The following DNAH11 variants were observed in gnomAD, a reference collection of about 807,000 sequenced individuals.
DNAH11 encodes the protein dynein axonemal heavy chain 11, also known as axonemal beta dynein heavy chain 11.
Under a neutral mutation model 526.0 loss-of-function variants are expected in DNAH11, and 442 were observed. The observed-to-expected ratio is 0.84, with a 90% CI of 0.78 to 0.91. The LOEUF is 0.91. Ranked by LOEUF, DNAH11 falls within the 40% of genes least tolerant of loss-of-function variation. DNAH11 has a pLI of 0.00. For synonymous variants in DNAH11, 2,461 were observed against 1,935.9 expected (o/e 1.27, Z -7.12); for missense variants, 6,989 against 5,448.7 (o/e 1.28, Z -8.90).
intron 63 of DNAH11, among the ~76,000 whole-genome samples, chr7:21,809,398 C>T (rs1019533847): frequency 6.6e-6 from 1 of 152,112 alleles, no homozygotes; most frequent in Non-Finnish European, 1.5e-5. Context: ...GATACGATCC[C>T]ACTTTTGCAT....
At chr7:21,704,973 G>A (rs1175858273) in intron 38 of DNAH11, among the ~76,000 whole-genome samples, 1 of 152,160 alleles carries the variant, frequency 6.6e-6, no homozygotes, top group Non-Finnish European at 1.5e-5. Context: ...ATTAGTGCCT[G>A]CTTTTAATGA....
intron 9 of DNAH11, among the ~76,000 whole-genome samples, chr7:21,582,867 A>T (rs1159328316): frequency 6.6e-6 from 1 of 152,142 alleles, no homozygotes; most frequent in Non-Finnish European, 1.5e-5. Flanking sequence ...TTTAAAAGAT[A>T]TTGTTTGATT....
intron 2 of DNAH11, among the ~76,000 whole-genome samples, chr7:21,550,405 C>G (rs752931126): frequency 2.0e-5 from 3 of 152,136 alleles, no homozygotes; most frequent in South Asian, 4.2e-4. Context: ...TATATAATGT[C>G]TTAAGAATTG....
intron 55 of DNAH11, among the ~76,000 whole-genome samples, chr7:21,766,134 T>C (rs1392142617): frequency 6.6e-6 from 1 of 152,226 alleles, no homozygotes; most frequent in Non-Finnish European, 1.5e-5. Flanking sequence ...TTTTATGGGT[T>C]ATATTTGTCA....
At chr7:21,765,351 C>A in intron 54 of DNAH11, 77 bp from the exon 55 acceptor site, 1 of 1,596,820 alleles carries the variant, frequency 6.3e-7, no homozygotes, top group Non-Finnish European at 8.6e-7. Context: ...TCCTTTCTCT[C>A]ATTGTCTAAG....
In DNAH11 at chr7:21,808,467, G is replaced by C. The variant is rs555278671; in HGVS notation, c.10332+418G>C. Among the ~76,000 whole-genome samples the C allele has an allele frequency of 7.2e-5, 11 of 152,136 alleles. No homozygotes were observed. In the East Asian group the frequency reaches 2.1e-3, roughly 29 times the overall value. Reference sequence around the variant, plus strand: ...TACAGTTTCCCTACTGTGTTATTGAGTACTGGCACTTATTTCTTCTATCTA... The same window carrying C: ...TACAGTTTCCCTACTGTGTTATTGACTACTGGCACTTATTTCTTCTATCTA... On this transcript the variant is annotated intron_variant, in intron 63 of 81. Coordinates refer to ENST00000409508, the MANE Select transcript of DNAH11 (RefSeq NM_001277115.2).
At chr7:21,882,248 C>A (rs2128042817) in intron 75 of DNAH11, among the ~76,000 whole-genome samples, 1 of 152,258 alleles carries the variant, frequency 6.6e-6, no homozygotes, top group East Asian at 1.9e-4. Flanking sequence ...GTCTTGGAAA[C>A]ACCAGTTGAC....
At chr7:21,773,657 AT>A (rs139017404) in intron 55 of DNAH11, 108 bp from the exon 56 acceptor site, 215 of 829,154 alleles carry the variant, frequency 2.6e-4, no homozygotes, top group Admixed American at 6.3e-4. Context: ...TTATACTATC[AT>A]TTTTTTTTCT....
At chr7:21,863,641 A>C (rs2128032117) in intron 69 of DNAH11, among the ~76,000 whole-genome samples, 1 of 152,320 alleles carries the variant, frequency 6.6e-6, no homozygotes, top group Non-Finnish European at 1.5e-5. Context: ...GCTCATTAAT[A>C]GAAAAAGACC....
rs1019357787 is a variant in DNAH11, at chr7:21,669,372, A to G, written c.5328+10341A>G. Among the ~76,000 whole-genome samples the G allele has an allele frequency of 4.6e-5, 7 of 152,140 alleles. No individual in the cohort carries two copies. In the East Asian group the frequency reaches 5.8e-4, roughly 13 times the overall value. The stretch of plus-strand genomic sequence containing the variant: ...AAAAATTCTTTTTGTAGGTCTTGCT[A>G]TGTTTCCCAGGTTCTCTTGAGCTCC... On this transcript the variant is annotated intron_variant, in intron 30 of 81. Transcript: ENST00000409508.
At chr7:21,864,757 T>A in intron 70 of DNAH11, 100 bp downstream of exon 70, 2 of 1,184,730 alleles carry the variant, frequency 1.7e-6, no homozygotes, top group Non-Finnish European at 2.3e-6. Flanking sequence ...GGTGATGTAT[T>A]AAGCACCATT....
intron 14 of DNAH11, among the ~76,000 whole-genome samples, chr7:21,592,168 A>G (rs868645247): frequency 5.3e-5 from 8 of 152,132 alleles, no homozygotes; most frequent in African/African-American, 1.4e-4. Context: ...TGGAGCTTAC[A>G]CTCTAGTCAG....
At chr7:21,801,802 A>T (rs750970227) in intron 62 of DNAH11, among the ~76,000 whole-genome samples, 4 of 152,198 alleles carry the variant, frequency 2.6e-5, no homozygotes, top group Non-Finnish European at 5.9e-5. Flanking sequence ...TTTCAAGTTA[A>T]ACCTGGTTGG....
chr7:21,678,320 A>G (rs1406327338), intron 30 of DNAH11, among the ~76,000 whole-genome samples: 4 of 102,320 alleles, frequency 3.9e-5, no homozygotes. Flanking sequence ...CATTAATGTA[A>G]GAGTCTTCTT....
At chr7:21,862,096 T>C (rs1783086033) in intron 69 of DNAH11, 73 bp downstream of exon 69, 1 of 1,394,256 alleles carries the variant, frequency 7.2e-7, no homozygotes, top group Admixed American at 3.0e-5. Flanking sequence ...ATATATTTTA[T>C]TTCTGCTGAA....
intron 9 of DNAH11, among the ~76,000 whole-genome samples, chr7:21,582,911 A>G (rs1184461862): frequency 6.6e-6 from 1 of 152,154 alleles, no homozygotes; most frequent in East Asian, 1.9e-4. Flanking sequence ...GTCAGTGGAG[A>G]AGACACCGGC....
At chr7:21,747,269 G>A (rs999097397) in intron 51 of DNAH11, among the ~76,000 whole-genome samples, 2 of 152,202 alleles carry the variant, frequency 1.3e-5, no homozygotes, top group Non-Finnish European at 2.9e-5. Flanking sequence ...GACTGAGCTT[G>A]TAAAAATAAC....
intron 65 of DNAH11, among the ~76,000 whole-genome samples, chr7:21,821,901 C>CT (rs1290544761): frequency 1.3e-5 from 2 of 152,068 alleles, no homozygotes; most frequent in African/African-American, 4.8e-5. Flanking sequence ...CACCATTCTC[C>CT]TCTTTGCCTC....
intron 65 of DNAH11, among the ~76,000 whole-genome samples, chr7:21,832,754 G>A (rs1485051968): frequency 3.3e-5 from 5 of 152,178 alleles, no homozygotes; most frequent in African/African-American, 1.2e-4. Flanking sequence ...CAAATGGCCT[G>A]TTTTGGTGCA....
Sources: allele counts gnomAD v4.1 joint callset (sites outside exome capture counted in the v4.1 genomes callset), GRCh38; gene constraint gnomAD v4.1.1; transcripts MANE v1.5; gene names NCBI Gene and HGNC (gene_info 2026-07-23, HGNC 2026-07-21).